The following POLA1 variants were observed in gnomAD, a reference collection of about 807,000 sequenced individuals.
POLA1 encodes the protein DNA polymerase alpha catalytic subunit.
A neutral mutation model predicts 124.0 loss-of-function variants in POLA1; 15 were observed. That is an observed-to-expected ratio of 0.12 (90% CI 0.08 to 0.19). The LOEUF (loss-of-function observed/expected upper bound fraction) is 0.19, where lower values mean the gene tolerates loss of function less well. Ranked by LOEUF, POLA1 falls within the 10% of genes least tolerant of loss-of-function variation. The pLI is 1.00. For missense variants in POLA1, 886 were observed against 1,103.4 expected, an observed-to-expected ratio of 0.80 and a Z score of 2.79; for synonymous variants, 408 against 389.4, an observed-to-expected ratio of 1.05 and a Z score of -0.56.
At chrX:24,925,717 G>A (rs932918080) in intron 35 of POLA1, among the ~76,000 whole-genome samples, 2 of 111,574 alleles carry the variant, frequency 1.8e-5, no homozygotes, top group Admixed American at 9.6e-5. Flanking sequence ...ACATGTACAG[G>A]AATATTCACA....
chrX:24,907,247 GA>G (rs1015229879), intron 35 of POLA1, among the ~76,000 whole-genome samples: 3 of 110,730 alleles, frequency 2.7e-5, no homozygotes, highest in African/African-American at 6.6e-5. Context: ...CTGGGAGGGG[GA>G]AAAAGGAGCC....
intron 26 of POLA1, among the ~76,000 whole-genome samples, chrX:24,755,113 C>T (rs1412363831): frequency 8.9e-6 from 1 of 112,141 alleles, no homozygotes; most frequent in African/African-American, 3.2e-5. Flanking sequence ...TTGATAAGAG[C>T]AGCCATTTAA....
At chrX:24,751,925 G>C (rs1169851867) in intron 26 of POLA1, among the ~76,000 whole-genome samples, 1 of 111,766 alleles carries the variant, frequency 8.9e-6, no homozygotes, top group Admixed American at 9.5e-5. Flanking sequence ...CAAATTCTTT[G>C]CTTTTAAAGT....
chrX:24,872,192 C>T (rs1429733816), intron 34 of POLA1, among the ~76,000 whole-genome samples: 1 of 111,544 alleles, frequency 9.0e-6, no homozygotes, highest in Non-Finnish European at 1.9e-5. Flanking sequence ...CCAATGAAAT[C>T]AACCAAGAAA....
chrX:24,971,898 G>A (rs2048306395), intron 36 of POLA1, among the ~76,000 whole-genome samples: 1 of 109,888 alleles, frequency 9.1e-6, no homozygotes, highest in Admixed American at 9.6e-5. Context: ...AAAGATGGAG[G>A]GGGGATTTCA....
intron 35 of POLA1, among the ~76,000 whole-genome samples, chrX:24,910,030 C>T (rs2047425320): frequency 9.1e-6 from 1 of 110,191 alleles, no homozygotes; most frequent in Non-Finnish European, 1.9e-5. Flanking sequence ...TGATTTGGCT[C>T]TCTGTTTGTC....
chrX:24,868,341 G>T (rs909627866), intron 34 of POLA1, among the ~76,000 whole-genome samples: 1 of 112,018 alleles, frequency 8.9e-6, no homozygotes, highest in African/African-American at 3.2e-5. Context: ...GCACTGGATT[G>T]TTTTGGAGCT....
intron 26 of POLA1, among the ~76,000 whole-genome samples, chrX:24,786,681 ATT>A (rs1205219554): frequency 5.2e-4 from 33 of 63,142 alleles, no homozygotes; most frequent in African/African-American, 2.2e-3. Context: ...GGCTTGGCTA[ATT>A]TTTTTTTTTT....
At chrX:24,845,255 C>T (rs924766011) in intron 34 of POLA1, among the ~76,000 whole-genome samples, 1 of 110,748 alleles carries the variant, frequency 9.0e-6, no homozygotes, top group Admixed American at 9.6e-5. Context: ...GTTTTTTTGC[C>T]AGCCATCTCA....
chrX:24,948,441 GCTTAT>G (rs1186237686), intron 36 of POLA1, among the ~76,000 whole-genome samples: 7 of 110,574 alleles, frequency 6.3e-5, no homozygotes, highest in African/African-American at 2.3e-4. Context: ...AAGTAGCAGT[GCTTAT>G]CTTGAGTAGT....
intron 36 of POLA1, among the ~76,000 whole-genome samples, chrX:24,950,113 A>G (rs1035875927): frequency 6.2e-5 from 7 of 112,245 alleles, no homozygotes; most frequent in South Asian, 3.7e-4. Flanking sequence ...TAACAATTAC[A>G]TATTCATTTT....
At chrX:24,810,658 T>C (rs781653910) in intron 27 of POLA1, 50 bp from the exon 28 acceptor site, 1 of 555,842 alleles carries the variant, frequency 1.8e-6, no homozygotes, top group East Asian at 3.5e-5. Flanking sequence ...TCATTGTATG[T>C]AATGGTCACT....
chrX:24,768,640 T>C (rs1387567670), intron 26 of POLA1, among the ~76,000 whole-genome samples: 1 of 112,190 alleles, frequency 8.9e-6, no homozygotes, highest in Non-Finnish European at 1.9e-5. Context: ...ACCAATCACA[T>C]CGCAAAGCAA....
At chrX:24,933,378 T>C (rs965499021) in intron 36 of POLA1, among the ~76,000 whole-genome samples, 1 of 112,276 alleles carries the variant, frequency 8.9e-6, no homozygotes, top group Admixed American at 9.4e-5. Flanking sequence ...GGAGACCTGC[T>C]ATTAAAATGA....
chrX:24,769,711 G>T (rs1251731167), intron 26 of POLA1, among the ~76,000 whole-genome samples: 1 of 111,532 alleles, frequency 9.0e-6, no homozygotes, highest in Non-Finnish European at 1.9e-5. Flanking sequence ...GATTCAGATT[G>T]AAGTGCACTG....
intron 36 of POLA1, among the ~76,000 whole-genome samples, chrX:24,974,822 CAAAG>C (rs975533196): frequency 2.7e-5 from 3 of 111,082 alleles, no homozygotes; most frequent in Admixed American, 9.5e-5. Context: ...AAAAAGAAAA[CAAAG>C]AAACCCTAAT....
At chrX:24,995,204 A>C (rs1386393046) in intron 36 of POLA1, among the ~76,000 whole-genome samples, 1 of 112,028 alleles carries the variant, frequency 8.9e-6, no homozygotes, top group Non-Finnish European at 1.9e-5. Flanking sequence ...GGAGTGCCGC[A>C]TACCCTGAGT....
chrX:24,806,316 A>C (rs1475193502), intron 26 of POLA1, among the ~76,000 whole-genome samples: 2 of 108,367 alleles, frequency 1.8e-5, no homozygotes, highest in African/African-American at 6.7e-5. Context: ...AGATAGTAAG[A>C]ATTTGGTAGC....
At chrX:24,866,773 C>T (rs934795567) in intron 34 of POLA1, among the ~76,000 whole-genome samples, 2 of 112,099 alleles carry the variant, frequency 1.8e-5, no homozygotes, top group East Asian at 5.6e-4. Flanking sequence ...ACTCTTATGT[C>T]GCATTAACAC....
Sources: gnomAD v4.1 joint callset for allele counts (sites outside exome capture counted in the v4.1 genomes callset) on GRCh38, gnomAD v4.1.1 for gene constraint, MANE v1.5 for transcripts, NCBI Gene and HGNC (gene_info 2026-07-23, HGNC 2026-07-21) for gene names.